The following GNAQ variants were observed in gnomAD, a reference collection of about 807,000 sequenced individuals.
GNAQ encodes G protein subunit alpha q.
A neutral mutation model predicts 43.9 loss-of-function variants in GNAQ; 8 were observed. That is an observed-to-expected ratio of 0.18 (90% CI 0.11 to 0.33). The LOEUF (loss-of-function observed/expected upper bound fraction) is 0.33, where lower values mean the gene tolerates loss of function less well. Among genes scored for constraint, GNAQ ranks in the 10% least tolerant of loss-of-function variants. GNAQ has a pLI of 1.00. For synonymous variants in GNAQ, 155 were observed against 170.7 expected, an observed-to-expected ratio of 0.91 and a Z score of 0.71; for missense variants, 158 against 450.8, an observed-to-expected ratio of 0.35 and a Z score of 5.88.
At chr9:77,881,361 GAA>G (rs746076478) in intron 2 of GNAQ, among the ~76,000 whole-genome samples, 72 of 152,184 alleles carry the variant, frequency 4.7e-4, no homozygotes, top group Admixed American at 4.6e-3. Context: ...GTGAATAAAT[GAA>G]AAGTGTCCCA....
chr9:77,995,460 G>T (rs1564173515), intron 1 of GNAQ, among the ~76,000 whole-genome samples: 1 of 152,144 alleles, frequency 6.6e-6, no homozygotes. Context: ...GAATATTAAG[G>T]TGAGAGGGTG....
chr9:77,734,642 G>A (rs1825548216), intron 5 of GNAQ, among the ~76,000 whole-genome samples: 1 of 152,152 alleles, frequency 6.6e-6, no homozygotes, highest in African/African-American at 2.4e-5. Flanking sequence ...CACAGAAGGT[G>A]TTGAGTGACC....
intron 5 of GNAQ, among the ~76,000 whole-genome samples, chr9:77,765,044 T>G (rs554608450): frequency 3.1e-4 from 47 of 152,268 alleles, no homozygotes; most frequent in African/African-American, 1.1e-3. Context: ...TTGTCTTCGG[T>G]TTTATGCAAG....
At position 77,862,403 on chromosome 9, in the gene GNAQ, A is replaced by C. The variant is rs139901508; in HGVS notation, c.322-46633T>G. On this transcript the variant is annotated intron_variant, in intron 2 of 6. Coordinates refer to ENST00000286548, the MANE Select transcript of GNAQ (RefSeq NM_002072.5). ...TCTGAAATCTAGGTGGAGGTTCCCA[A>C]ACCTCAATTCTTGACTTCTGTGCAC... 4.2e-3 allele frequency among the ~76,000 whole-genome samples: 645 copies of C among 152,264 alleles called. 4 individuals are homozygous for C. The highest frequency in any genetic ancestry group is 0.015 in the African/African-American group (618 of 41,560).
At chr9:77,855,228 C>T (rs1342275200) in intron 2 of GNAQ, among the ~76,000 whole-genome samples, 1 of 151,888 alleles carries the variant, frequency 6.6e-6, no homozygotes, top group Admixed American at 6.6e-5. Context: ...TGGTGTAATG[C>T]AGCAGAATCA....
intron 1 of GNAQ, among the ~76,000 whole-genome samples, chr9:78,027,728 G>A (rs1245543808): frequency 7.0e-6 from 1 of 142,962 alleles, no homozygotes; most frequent in Non-Finnish European, 1.5e-5. Context: ...TCCAGCTTGG[G>A]CAACAAGAGC....
chr9:78,021,771 C>T (rs1823912418), intron 1 of GNAQ, among the ~76,000 whole-genome samples: 1 of 152,174 alleles, frequency 6.6e-6, no homozygotes, highest in Non-Finnish European at 1.5e-5. Flanking sequence ...CACACATACA[C>T]TAAAGAGAAG....
chr9:77,844,807 G>A (rs1262900789), intron 2 of GNAQ, among the ~76,000 whole-genome samples: 3 of 151,888 alleles, frequency 2.0e-5, no homozygotes, highest in African/African-American at 7.3e-5. Context: ...CGAGTAGCTG[G>A]GATTACAGGT....
At chr9:77,840,128 T>C (rs566732829) in intron 2 of GNAQ, among the ~76,000 whole-genome samples, 1 of 152,344 alleles carries the variant, frequency 6.6e-6, no homozygotes, top group African/African-American at 2.4e-5. Context: ...AGTTCTTCCT[T>C]TGCCATTTTG....
At position 77,719,113 on chromosome 9, in the gene GNAQ, A is replaced by G; in HGVS notation, c.*2210T>C. On this transcript the variant is annotated 3_prime_UTR_variant, in exon 7 of 7. Coordinates refer to ENST00000286548, the MANE Select transcript of GNAQ (RefSeq NM_002072.5). ...CGCTAGTACCGCTCTGTATGACAGT[A>G]AGGTTTTTTTTTTTTCTTCTTTTCT... 4.3e-6 allele frequency: 1 copy of G among 231,910 alleles called. No homozygotes were observed. The highest frequency in any genetic ancestry group is 8.5e-6 in the Non-Finnish European group (1 of 117,316). The allele number at this position is 231,910 out of a possible 1,614,324, so 14.4% of individuals were successfully genotyped here. A position where few individuals can be genotyped will look rare whatever the true frequency, so the allele number is the denominator to read the frequency against.
chr9:77,996,690 AAAAAAAG>A (rs1297242272), intron 1 of GNAQ, among the ~76,000 whole-genome samples: 12 of 121,358 alleles, frequency 9.9e-5, no homozygotes, highest in South Asian at 3.2e-4. Context: ...AAAAAAAAAA[AAAAAAAG>A]AAAAAAGAAA....
intron 2 of GNAQ, among the ~76,000 whole-genome samples, chr9:77,870,834 A>G (rs1306946532): frequency 6.6e-6 from 1 of 152,202 alleles, no homozygotes. Flanking sequence ...AAAAACCTCA[A>G]AAACACTATG....
chr9:77,984,203 A>C, intron 1 of GNAQ, among the ~76,000 whole-genome samples: 1 of 147,334 alleles, frequency 6.8e-6, no homozygotes, highest in African/African-American at 2.5e-5. Context: ...ACAGGGCCTC[A>C]CTGTCACCCA....
intron 3 of GNAQ, among the ~76,000 whole-genome samples, chr9:77,808,825 G>A (rs545444514): frequency 4.6e-5 from 7 of 151,838 alleles, no homozygotes; most frequent in South Asian, 2.1e-4. Flanking sequence ...ACCATACAAC[G>A]GTCTTATCTG....
intron 1 of GNAQ, among the ~76,000 whole-genome samples, chr9:77,968,702 C>T (rs1404766940): frequency 5.9e-5 from 9 of 152,204 alleles, no homozygotes; most frequent in Non-Finnish European, 1.2e-4. Flanking sequence ...ACATTTCATT[C>T]CAAATTAATT....
intron 1 of GNAQ, among the ~76,000 whole-genome samples, chr9:77,962,722 T>G (rs1384916519): frequency 6.6e-6 from 1 of 151,524 alleles, no homozygotes; most frequent in Non-Finnish European, 1.5e-5. Context: ...AAACCCCGTG[T>G]CTAATAAAAA....
intron 1 of GNAQ, among the ~76,000 whole-genome samples, chr9:77,931,063 C>G (rs867718708): frequency 6.6e-6 from 1 of 151,426 alleles, no homozygotes; most frequent in African/African-American, 2.4e-5. Flanking sequence ...AACCCCCCGA[C>G]CCGACCCCCA....
chr9:77,820,178 C>T (rs184923180), intron 2 of GNAQ, among the ~76,000 whole-genome samples: 63 of 150,830 alleles, frequency 4.2e-4, no homozygotes, highest in Admixed American at 2.2e-3. Context: ...GGGAAAGTCA[C>T]TGAAGCCTAA....
chr9:77,993,018 C>T (rs1823527830), intron 1 of GNAQ, among the ~76,000 whole-genome samples: 2 of 152,156 alleles, frequency 1.3e-5, no homozygotes, highest in African/African-American at 2.4e-5. Context: ...AATATCAGAA[C>T]ATTCCCTATC....
Sources: gnomAD v4.1 joint callset for allele counts (sites outside exome capture counted in the v4.1 genomes callset) on GRCh38, gnomAD v4.1.1 for gene constraint, MANE v1.5 for transcripts, NCBI Gene and HGNC (gene_info 2026-07-23, HGNC 2026-07-21) for gene names.